NGLY1: variants seen among roughly 807,000 people sequenced by gnomAD.
NGLY1 encodes peptide-N(4)-(N-acetyl-beta-glucosaminyl)asparagine amidase.
In NGLY1, 68 loss-of-function variants were observed where a neutral mutation model predicts 84.6. The observed-to-expected ratio is 0.80, with a 90% CI of 0.66 to 0.98. The LOEUF (loss-of-function observed/expected upper bound fraction) is 0.98. Ranked by LOEUF, NGLY1 falls within the 50% of genes least tolerant of loss-of-function variation. NGLY1 has a pLI of 0.00. For missense variants in NGLY1, 779 were observed against 770.2 expected (o/e 1.01, Z -0.14); for synonymous variants, 280 against 275.2 (o/e 1.02, Z -0.17).
chr3:25,756,772 T>A (rs1707057816), intron 3 of NGLY1, among the ~76,000 whole-genome samples: 1 of 152,166 alleles, frequency 6.6e-6, no homozygotes, highest in Non-Finnish European at 1.5e-5. Context: ...AACCTGAAAG[T>A]AAGACACTAA....
At chr3:25,742,680 C>G (rs1471369036) in intron 4 of NGLY1, among the ~76,000 whole-genome samples, 1 of 151,976 alleles carries the variant, frequency 6.6e-6, no homozygotes, top group Non-Finnish European at 1.5e-5. Flanking sequence ...TACCATGCAG[C>G]AGCTAGAGTA....
intron 4 of NGLY1, among the ~76,000 whole-genome samples, chr3:25,746,179 T>C (rs901087941): frequency 1.4e-4 from 22 of 152,330 alleles, no homozygotes; most frequent in African/African-American, 5.3e-4. Context: ...TATTCATTGT[T>C]CCCAAATAGA....
At chr3:25,747,054 T>C (rs1706472746) in intron 4 of NGLY1, among the ~76,000 whole-genome samples, 1 of 152,256 alleles carries the variant, frequency 6.6e-6, no homozygotes, top group East Asian at 1.9e-4. Context: ...CAAGCTGGTC[T>C]ACAACATAAT....
chr3:25,733,168 G>A (rs527745817), intron 8 of NGLY1, among the ~76,000 whole-genome samples: 4 of 152,218 alleles, frequency 2.6e-5, no homozygotes, highest in African/African-American at 4.8e-5. Flanking sequence ...GATCTCCGAA[G>A]GGCTACACAT....
At chr3:25,722,542 T>C (rs367816123) in intron 10 of NGLY1, among the ~76,000 whole-genome samples, 57 of 152,316 alleles carry the variant, frequency 3.7e-4, no homozygotes, top group African/African-American at 1.3e-3. Flanking sequence ...TGAAAATTTT[T>C]AGAATCAGTG....
At chr3:25,779,184 G>A (rs971113067) in intron 1 of NGLY1, among the ~76,000 whole-genome samples, 2 of 151,846 alleles carry the variant, frequency 1.3e-5, no homozygotes, top group African/African-American at 4.8e-5. Context: ...TGATCCACCC[G>A]CCTCAGCCTC....
chr3:25,719,273 G>T lies in NGLY1; in HGVS notation c.*187C>A. On this transcript the variant is annotated 3_prime_UTR_variant, in exon 12 of 12. Transcript: ENST00000280700. ...AAATTATAGTCACATATGGAAGAAA[G>T]GTTTTAATTCAATATTTTATTATAG... The T allele has an allele frequency of 2.2e-6, 1 of 446,906 alleles. No individual in the cohort carries two copies. Among genetic ancestry groups the T allele is most frequent in the Non-Finnish European group, 4.0e-6 (1 of 249,668 alleles). 27.7% of individuals were successfully genotyped at this position (446,906 alleles called of 1,614,324 possible).
At chr3:25,751,022 C>A in intron 4 of NGLY1, 76 bp downstream of exon 4, 1 of 1,415,734 alleles carries the variant, frequency 7.1e-7, no homozygotes, top group Non-Finnish European at 9.7e-7. Flanking sequence ...CTTCAAGGGT[C>A]AGTTGTATTT....
chr3:25,732,145 C>T (rs1226657625), intron 9 of NGLY1, among the ~76,000 whole-genome samples, 174 bp downstream of exon 9: 3 of 152,092 alleles, frequency 2.0e-5, no homozygotes, highest in Admixed American at 6.6e-5. Context: ...AACTCTTACA[C>T]GATAATGCTA....
At chr3:25,776,729 G>A (rs560442202) in intron 2 of NGLY1, among the ~76,000 whole-genome samples, 32 of 152,246 alleles carry the variant, frequency 2.1e-4, no homozygotes, top group Non-Finnish European at 4.3e-4. Context: ...GTAAGTCCCC[G>A]ATTCCTTCCT....
intron 5 of NGLY1, among the ~76,000 whole-genome samples, chr3:25,737,704 GGCTAATTTT>G (rs1363327274): frequency 1.3e-5 from 2 of 151,862 alleles, no homozygotes; most frequent in African/African-American, 4.8e-5. Flanking sequence ...CACCAGGTCT[GGCTAATTTT>G]GTTTGTATTT....
chr3:25,772,248 G>A (rs1423524304), intron 2 of NGLY1, among the ~76,000 whole-genome samples: 1 of 152,138 alleles, frequency 6.6e-6, no homozygotes, highest in Non-Finnish European at 1.5e-5. Flanking sequence ...AGTGAGTATT[G>A]AAGTCTCCAC....
upstream of NGLY1, among the ~76,000 whole-genome samples, chr3:25,784,483 C>G (rs991549792): frequency 6.6e-6 from 1 of 152,212 alleles, no homozygotes; most frequent in African/African-American, 2.4e-5. Context: ...GCATCCCTTA[C>G]TACTTTAATC....
intron 1 of NGLY1, among the ~76,000 whole-genome samples, chr3:25,782,011 A>G (rs901152490): frequency 6.6e-6 from 1 of 152,138 alleles, no homozygotes; most frequent in Non-Finnish European, 1.5e-5. Flanking sequence ...CTCAAAGAGT[A>G]AAAAAGGTGA....
intron 9 of NGLY1, among the ~76,000 whole-genome samples, chr3:25,731,720 T>C (rs1559532453): frequency 6.6e-6 from 1 of 152,094 alleles, no homozygotes; most frequent in Non-Finnish European, 1.5e-5. Flanking sequence ...AAAAATTACA[T>C]TCATACAATA....
At chr3:25,776,116 T>C (rs181317172) in intron 2 of NGLY1, among the ~76,000 whole-genome samples, 2 of 152,356 alleles carry the variant, frequency 1.3e-5, no homozygotes, top group Non-Finnish European at 2.9e-5. Flanking sequence ...GTTAATCTTT[T>C]CTGAGACTGT....
At chr3:25,761,954 T>C (rs938048072) in intron 3 of NGLY1, among the ~76,000 whole-genome samples, 1 of 152,186 alleles carries the variant, frequency 6.6e-6, no homozygotes, top group African/African-American at 2.4e-5. Flanking sequence ...AACAAAAGAT[T>C]ACATACTATA....
At position 25,739,789 on chromosome 3, in the gene NGLY1, T is replaced by C. The variant is rs900718702; in HGVS notation, c.669A>G (p.Ile223Met). The change falls in exon 5 of 12, where the codon ATA (isoleucine) becomes ATG (methionine). Residue 223 changes from isoleucine (I) to methionine (M), a missense_variant. By Grantham distance (10) the Ile-to-Met change is conservative. Transcript: ENST00000280700. ...RARKLDKGIN[I>M]SDEDFLLLEL... ...CCAGCAAAAGAAAATCCTCATCACT[T>C]ATATTGATACCTGAGAAATTAAGGG... 6.2e-7 allele frequency: 1 copy of C among 1,613,110 alleles called. No homozygotes were observed. The highest frequency in any genetic ancestry group is 1.3e-5 in the African/African-American group (1 of 74,896).
chr3:25,732,517 AT>A, intron 8 of NGLY1, 34 bp from the exon 9 acceptor site: 1 of 1,572,094 alleles, frequency 6.4e-7, no homozygotes, highest in Non-Finnish European at 8.7e-7. Context: ...AGTTGTTAAG[AT>A]TAGGGGAATG....
Sources: allele counts gnomAD v4.1 joint callset (sites outside exome capture counted in the v4.1 genomes callset), GRCh38; gene constraint gnomAD v4.1.1; transcripts MANE v1.5; gene names NCBI Gene and HGNC (gene_info 2026-07-23, HGNC 2026-07-21).